Variants in PHACTR1 observed in about 807,000 individuals in gnomAD.
PHACTR1 encodes phosphatase and actin regulator 1.
A neutral mutation model predicts 69.2 loss-of-function variants in PHACTR1; 16 were observed. That is an observed-to-expected ratio of 0.23 (90% confidence interval 0.16 to 0.35). The LOEUF (loss-of-function observed/expected upper bound fraction) is 0.35. PHACTR1 is among the 10% of genes least tolerant of loss of function. PHACTR1 has a pLI of 1.00. For synonymous variants in PHACTR1, 312 were observed against 284.5 expected, an observed-to-expected ratio of 1.10 and a Z score of -0.97; for missense variants, 510 against 734.7, an observed-to-expected ratio of 0.69 and a Z score of 3.54.
intron 4 of PHACTR1, among the ~76,000 whole-genome samples, chr6:12,915,655 G>A (rs1786907013): frequency 6.6e-6 from 1 of 152,106 alleles, no homozygotes; most frequent in Non-Finnish European, 1.5e-5. Context: ...AGGTGAATTT[G>A]GAGCTGAGCT....
At chr6:12,723,852 G>C (rs991190537) in intron 3 of PHACTR1, among the ~76,000 whole-genome samples, 1 of 152,054 alleles carries the variant, frequency 6.6e-6, no homozygotes, top group Non-Finnish European at 1.5e-5. Flanking sequence ...CCCCACACAC[G>C]GTAATCTTTT....
chr6:12,773,332 GTTCACAC>G (rs1769627507), intron 4 of PHACTR1, among the ~76,000 whole-genome samples: 1 of 152,176 alleles, frequency 6.6e-6, no homozygotes, highest in Admixed American at 6.5e-5. Flanking sequence ...ACCAAGGGAT[GTTCACAC>G]CCTGCGTCAA....
At chr6:13,252,901 C>G in intron 10 of PHACTR1, 2 of 289,662 alleles carry the variant, frequency 6.9e-6, no homozygotes, top group South Asian at 5.5e-5. Context: ...CAAAACCCCC[C>G]TCCACTTGAG....
chr6:13,271,020 T>C (rs1438552201), intron 10 of PHACTR1, among the ~76,000 whole-genome samples: 1 of 151,152 alleles, frequency 6.6e-6, no homozygotes, highest in Non-Finnish European at 1.5e-5. Flanking sequence ...TTTTTCTTTT[T>C]TTTTTTTTGA....
At chr6:12,810,546 A>C (rs1202317042) in intron 4 of PHACTR1, among the ~76,000 whole-genome samples, 1 of 152,198 alleles carries the variant, frequency 6.6e-6, no homozygotes, top group Non-Finnish European at 1.5e-5. Flanking sequence ...CTGAGACCCC[A>C]TCCTGAGACT....
At chr6:13,031,798 G>T (rs934299670) in intron 4 of PHACTR1, among the ~76,000 whole-genome samples, 2 of 152,060 alleles carry the variant, frequency 1.3e-5, no homozygotes, top group African/African-American at 4.8e-5. Context: ...TTTTCTTTTT[G>T]ACTCACCTTT....
At chr6:13,096,976 GTATA>G (rs1814367843) in intron 5 of PHACTR1, among the ~76,000 whole-genome samples, 1 of 152,176 alleles carries the variant, frequency 6.6e-6, no homozygotes, top group Non-Finnish European at 1.5e-5. Context: ...GTTTTTAAAT[GTATA>G]GTGAATAATT....
In PHACTR1 at chr6:13,245,079, C is replaced by T. The variant is rs1057475546; in HGVS notation, c.1391+14886C>T. Among the ~76,000 whole-genome samples the T allele has an allele frequency of 1.3e-5, 2 of 152,202 alleles. No homozygotes were observed. The highest frequency in any genetic ancestry group is 2.9e-5 in the Non-Finnish European group (2 of 68,036). On this transcript the variant is annotated intron_variant, in intron 10 of 14. Transcript: ENST00000332995. The surrounding 1 kb of genome is among the most constrained non-coding windows in gnomAD (Gnocchi z 4.1). ...CCCTCTGTTTGGGGTCCCTGACTTC[C>T]CGCAACAGTATTTAGGTTGATTCCA...
At chr6:13,033,909 C>T (rs933018481) in intron 4 of PHACTR1, among the ~76,000 whole-genome samples, 5 of 152,160 alleles carry the variant, frequency 3.3e-5, no homozygotes, top group Admixed American at 3.3e-4. Flanking sequence ...TTAAAACCTC[C>T]GTATGAACTT....
At chr6:12,948,717 C>T (rs1790940044) in intron 4 of PHACTR1, among the ~76,000 whole-genome samples, 1 of 152,112 alleles carries the variant, frequency 6.6e-6, no homozygotes, top group Non-Finnish European at 1.5e-5. Flanking sequence ...TAATTGAGGC[C>T]ATATTTATCT....
intron 5 of PHACTR1, among the ~76,000 whole-genome samples, chr6:13,111,492 C>T (rs1817027459): frequency 6.6e-6 from 1 of 152,098 alleles, no homozygotes; most frequent in Non-Finnish European, 1.5e-5. Context: ...AACAGCCATT[C>T]CCTGTCGCAC....
chr6:13,085,965 A>G (rs908914040), intron 5 of PHACTR1, among the ~76,000 whole-genome samples: 1 of 151,802 alleles, frequency 6.6e-6, no homozygotes, highest in African/African-American at 2.4e-5. Flanking sequence ...TTAATGAATC[A>G]AAAACAATTT....
intron 4 of PHACTR1, among the ~76,000 whole-genome samples, chr6:13,024,725 C>T (rs1437297673): frequency 6.6e-6 from 1 of 152,140 alleles, no homozygotes; most frequent in Non-Finnish European, 1.5e-5. Flanking sequence ...GGTCGGAACA[C>T]CACTACCCAA....
At chr6:12,955,261 C>T (rs1791762662) in intron 4 of PHACTR1, among the ~76,000 whole-genome samples, 1 of 135,650 alleles carries the variant, frequency 7.4e-6, no homozygotes, top group African/African-American at 3.0e-5. Context: ...TGCAGTAGTA[C>T]AGTCGTGGCT....
intron 4 of PHACTR1, among the ~76,000 whole-genome samples, chr6:12,949,261 C>T (rs1486638022): frequency 2.5e-5 from 3 of 120,870 alleles, no homozygotes; most frequent in Non-Finnish European, 4.8e-5. Flanking sequence ...AAGAGCGAAA[C>T]GTCATCTCAA....
intron 7 of PHACTR1, among the ~76,000 whole-genome samples, chr6:13,201,482 C>T (rs527310977): frequency 6.6e-6 from 1 of 152,246 alleles, no homozygotes; most frequent in South Asian, 2.1e-4. Context: ...GGACTTGCAG[C>T]ATGGACTGAG....
chr6:13,053,477 G>A lies in PHACTR1; in HGVS notation c.363G>A (p.Lys121=), dbSNP rs374512850. ...TTGCCAACCTGGGAAGGATTTTCAA[G>A]CCTTGGAAATGGAGGAAGAAGAAAA... ...SKFANLGRIF[K]PWKWRKKKSE... Residue 121 remains lysine (K), a synonymous_variant, in exon 5 of 15, where the codon AAG becomes AAA. Transcript: ENST00000332995. 2.5e-6 allele frequency: 4 copies of A among 1,613,762 alleles called. No homozygotes were observed. Among genetic ancestry groups the A allele is most frequent in the Middle Eastern group, 3.3e-4 (2 of 6,084 alleles).
chr6:12,767,809 G>C (rs4711817), intron 4 of PHACTR1, among the ~76,000 whole-genome samples: 10,635 of 152,196 alleles, frequency 0.07, 467 homozygotes, highest in Admixed American at 0.1. Context: ...ACAGGATGGA[G>C]AATTCCAGGA....
chr6:13,065,801 T>A (rs1428076689), intron 5 of PHACTR1, among the ~76,000 whole-genome samples: 1 of 152,140 alleles, frequency 6.6e-6, no homozygotes, highest in East Asian at 1.9e-4. Context: ...ACAATTCTCG[T>A]GACTAGGAAA....
Sources: gnomAD v4.1 joint callset for allele counts (sites outside exome capture counted in the v4.1 genomes callset) on GRCh38, gnomAD v4.1.1 for gene constraint, Gnocchi (gnomAD v3.1) non-coding constraint, MANE v1.5 for transcripts, NCBI Gene and HGNC (gene_info 2026-07-23, HGNC 2026-07-21) for gene names.